PARVB: variants seen among roughly 807,000 people sequenced by gnomAD.
PARVB encodes the protein beta-parvin.
A neutral mutation model predicts 47.0 loss-of-function variants in PARVB; 46 were observed. The ratio of observed to expected loss-of-function variants is 0.98; its 90% CI spans 0.77 to 1.25. PARVB has a LOEUF of 1.25. Ranked by LOEUF, PARVB falls within the 50% of genes most tolerant of loss-of-function variation. The pLI is 0.00. For missense variants in PARVB, 473 were observed against 471.6 expected, an observed-to-expected ratio of 1.00 and a Z score of -0.03; for synonymous variants, 196 against 196.3, an observed-to-expected ratio of 1.00 and a Z score of 0.01.
At chr22:44,066,807 C>CCTT (rs2051541524) in intron 1 of PARVB, among the ~76,000 whole-genome samples, 175 of 145,742 alleles carry the variant, frequency 1.2e-3, no homozygotes, top group Admixed American at 1.7e-3. Flanking sequence ...TCCTCCTCCT[C>CCTT]CTCCTCCTCC....
intron 2 of PARVB, chr22:44,010,483 A>G (rs1436306167): frequency 6.6e-6 from 1 of 152,234 alleles, no homozygotes; most frequent in East Asian, 1.9e-4. Context: ...CCTTTGTATA[A>G]TTGTGCAGAA....
intron 2 of PARVB, among the ~76,000 whole-genome samples, chr22:44,098,309 T>A (rs991210352): frequency 9.2e-5 from 14 of 152,012 alleles, no homozygotes; most frequent in Non-Finnish European, 1.9e-4. Context: ...CAGACATGGG[T>A]CACACAGGCA....
rs896759632 is a variant in PARVB, at chr22:44,125,582, G to C, written c.377-5905G>C. On this transcript the variant is annotated intron_variant, in intron 4 of 12. Coordinates refer to ENST00000338758, the MANE Select transcript of PARVB (RefSeq NM_013327.5). The surrounding 1 kb of genome is among the most constrained non-coding windows in gnomAD (Gnocchi z 4.1). ...GCGTTCTGGGCTGAGGCTCTAAAGCGAGAAAGAGCCTGTTGTGTTGGAGGA... is the reference window on the plus strand; with the variant it reads ...GCGTTCTGGGCTGAGGCTCTAAAGCCAGAAAGAGCCTGTTGTGTTGGAGGA... Among the ~76,000 whole-genome samples the C allele has an allele frequency of 6.6e-6, 1 of 152,126 alleles. No homozygotes were observed. The highest frequency in any genetic ancestry group is 6.5e-5 in the Admixed American group (1 of 15,278).
In PARVB at chr22:44,160,420, T is replaced by C. The variant is rs1299395260; in HGVS notation, c.945+2337T>C. Among the ~76,000 whole-genome samples, 3 of 152,320 alleles carry C rather than the reference T, an allele frequency of 2.0e-5. No homozygotes were observed. In the East Asian group the frequency reaches 5.8e-4, roughly 29 times the overall value. ...CTATTCTTTCCTCACCTGGCCAAGT[T>C]GATTAAAACCTTTTGAATTGCAGAG... On this transcript the variant is annotated intron_variant, in intron 11 of 12. Transcript: ENST00000338758.
At chr22:44,033,559 G>A (rs2050862091) in intron 1 of PARVB, among the ~76,000 whole-genome samples, 1 of 152,150 alleles carries the variant, frequency 6.6e-6, no homozygotes. Context: ...GTAGTTGGAG[G>A]CCTGCTCCTT....
At chr22:44,010,318 C>T (rs1446242157) in intron 2 of PARVB, among the ~76,000 whole-genome samples, 2 of 152,160 alleles carry the variant, frequency 1.3e-5, no homozygotes, top group Non-Finnish European at 2.9e-5. Flanking sequence ...AATGGCACCA[C>T]GTCCCACTAA....
At position 44,033,286 on chromosome 22, in the gene PARVB, C is replaced by G. The variant is rs908442056; in HGVS notation, c.112+8835C>G. On this transcript the variant is annotated intron_variant, in intron 1 of 12. Coordinates refer to ENST00000338758, the MANE Select transcript of PARVB (RefSeq NM_013327.5). The stretch of plus-strand genomic sequence containing the variant: ...CAAACTCCTGACCTCAACTGATCCG[C>G]CCACCTCGGCCTCCCAAAGTGCTGG... Among the ~76,000 whole-genome samples, 6 of 152,190 alleles carry G rather than the reference C, an allele frequency of 3.9e-5. No individual in the cohort carries two copies. The East Asian group carries it at 1.2e-3, about 29-fold the overall frequency.
chr22:44,090,634 C>T (rs2052143604), intron 1 of PARVB, among the ~76,000 whole-genome samples: 1 of 152,266 alleles, frequency 6.6e-6, no homozygotes, highest in South Asian at 2.1e-4. Flanking sequence ...CAGGCCCAGG[C>T]ACATGGGTGC....
chr22:44,015,480 A>G (rs1049059027), intron 2 of PARVB, among the ~76,000 whole-genome samples: 2 of 152,220 alleles, frequency 1.3e-5, no homozygotes, highest in Non-Finnish European at 2.9e-5. Flanking sequence ...CAATAAAGAA[A>G]CGAACAACAT....
intron 2 of PARVB, among the ~76,000 whole-genome samples, chr22:44,002,757 G>C (rs940168510): frequency 1.3e-5 from 2 of 152,086 alleles, no homozygotes; most frequent in Non-Finnish European, 2.9e-5. Context: ...TGTCTCAGTC[G>C]TGCCTTCCTG....
intron 1 of PARVB, chr22:43,999,502 GACAA>G: frequency 1.3e-6 from 2 of 1,561,254 alleles, no homozygotes; most frequent in Non-Finnish European, 8.8e-7. Context: ...AACTGGATCC[GACAA>G]ACAAAAAATG....
chr22:44,161,705 G>GCCCCCTAC (rs2054056995), intron 11 of PARVB, among the ~76,000 whole-genome samples: 1 of 152,210 alleles, frequency 6.6e-6, no homozygotes, highest in Non-Finnish European at 1.5e-5. Flanking sequence ...CTCGTACAGG[G>GCCCCCTAC]CTGGGAGGGG....
intron 2 of PARVB, among the ~76,000 whole-genome samples, chr22:44,018,281 A>G (rs1473997089): frequency 6.6e-6 from 1 of 152,160 alleles, no homozygotes; most frequent in Admixed American, 6.5e-5. Flanking sequence ...GGGCATCTGT[A>G]ATCCCAGCTA....
At chr22:44,023,537 C>CAAAACAAAACAAAACAAAACAAAAT (rs1416034853), upstream of PARVB, among the ~76,000 whole-genome samples, 1 of 127,300 alleles carries the variant, frequency 7.9e-6, no homozygotes, top group East Asian at 2.4e-4. Flanking sequence ...TAAAACAAAA[C>CAAAACAAAACAAAACAAAACAAAAT]AAAATAAAAT....
intron 1 of PARVB, among the ~76,000 whole-genome samples, chr22:44,040,622 C>T (rs2051001480): frequency 6.6e-6 from 1 of 152,180 alleles, no homozygotes. Context: ...TGATTTCCTC[C>T]TGGAGCTTCT....
chr22:44,134,593 C>T (rs560105721), intron 6 of PARVB, among the ~76,000 whole-genome samples: 26 of 152,282 alleles, frequency 1.7e-4, no homozygotes, highest in African/African-American at 4.1e-4. Context: ...CAGAATGAAA[C>T]GGGAGCAGGG....
At chr22:44,031,702 G>A (rs996388404) in intron 1 of PARVB, among the ~76,000 whole-genome samples, 1 of 151,906 alleles carries the variant, frequency 6.6e-6, no homozygotes, top group African/African-American at 2.4e-5. Flanking sequence ...AATTAATATC[G>A]ATTGCACATC....
chr22:44,026,196 A>AGAAGTACTTTGGAGGAGAAG (rs2050725633), intron 1 of PARVB: 2 of 445,386 alleles, frequency 4.5e-6, no homozygotes, highest in Admixed American at 1.3e-4. Context: ...CAAAGTACGC[A>AGAAGTACTTTGGAGGAGAAG]GTGCTTCTCC....
At chr22:44,163,734 G>A in intron 11 of PARVB, 124 bp from the exon 12 acceptor site, 2 of 754,824 alleles carry the variant, frequency 2.6e-6, no homozygotes, top group Non-Finnish European at 2.1e-6. Flanking sequence ...GGGCTCACTG[G>A]GTCCTTGTGG....
Sources: gnomAD v4.1 joint callset for allele counts (sites outside exome capture counted in the v4.1 genomes callset) on GRCh38, gnomAD v4.1.1 for gene constraint, Gnocchi (gnomAD v3.1) non-coding constraint, MANE v1.5 for transcripts, NCBI Gene and HGNC (gene_info 2026-07-23, HGNC 2026-07-21) for gene names.